The following MAL2 variants were observed in gnomAD, a reference collection of about 807,000 sequenced individuals.
MAL2 encodes the protein mal, T cell differentiation protein 2.
Under a neutral mutation model 18.1 loss-of-function variants are expected in MAL2, and 17 were observed. The observed-to-expected ratio is 0.94, with a 90% CI of 0.64 to 1.41. MAL2 has a LOEUF of 1.41. MAL2 is among the 40% of genes most tolerant of loss of function. The pLI is 0.00. For synonymous variants in MAL2, 102 were observed against 102.3 expected, an observed-to-expected ratio of 1.00 and a Z score of 0.02; for missense variants, 222 against 231.9, an observed-to-expected ratio of 0.96 and a Z score of 0.28.
At chr8:119,221,935 C>A (rs973468213) in intron 2 of MAL2, among the ~76,000 whole-genome samples, 178 bp downstream of exon 2, 1 of 151,970 alleles carries the variant, frequency 6.6e-6, no homozygotes, top group Non-Finnish European at 1.5e-5. Context: ...AACAGGGCCC[C>A]AGTTTGCGAA....
chr8:119,213,616 C>T (rs566133531), intron 1 of MAL2, among the ~76,000 whole-genome samples: 1 of 152,042 alleles, frequency 6.6e-6, no homozygotes, highest in African/African-American at 2.4e-5. Context: ...GTCAGGAGTT[C>T]AAGACCAGCC....
Position 119,208,690 on chromosome 8 carries a change from T to C in MAL2, c.132+86T>C. The C allele has an allele frequency of 1.6e-6, 2 of 1,215,054 alleles. No individual in the cohort carries two copies. Among genetic ancestry groups the C allele is most frequent in the Non-Finnish European group, 2.0e-6 (2 of 975,676 alleles). The allele number at this position is 1,215,054 out of a possible 1,614,324, so 75.3% of individuals were successfully genotyped here. Reference sequence around the variant, plus strand: ...GTCCCCCGGGCTGTCTTCCTCTGCGTCCGCCCCCGGCCTCCTTCCCTTCGA... The same window carrying C: ...GTCCCCCGGGCTGTCTTCCTCTGCGCCCGCCCCCGGCCTCCTTCCCTTCGA... On this transcript the variant is annotated intron_variant, in intron 1 of 3. Coordinates refer to ENST00000614891, the MANE Select transcript of MAL2 (RefSeq NM_052886.3). This position sits in a 1 kb window ranked among gnomAD's most constrained non-coding sequence, Gnocchi z 4.3.
chr8:119,240,586 A>G (rs145877000), intron 3 of MAL2, among the ~76,000 whole-genome samples: 58 of 152,342 alleles, frequency 3.8e-4, no homozygotes, highest in African/African-American at 1.3e-3. Flanking sequence ...TTTGCACAGC[A>G]GTGTCTACTT....
Position 119,208,543 on chromosome 8 carries a change from C to A in MAL2, c.71C>A (p.Thr24Asn). 2 of 1,400,176 alleles carry A rather than the reference C, an allele frequency of 1.4e-6. No individual in the cohort carries two copies. The highest frequency in any genetic ancestry group is 1.9e-6 in the Non-Finnish European group (2 of 1,072,576). The allele number at this position is 1,400,176 out of a possible 1,614,324, so 86.7% of individuals were successfully genotyped here. ...GTGTCCTTCCCGCCGCCCCGGGTCA[C>A]CCTGCCCGCCGGCCCCGACATCCTG... ...PAVSFPPPRVTLPAGPDILRT... is the reference protein window; with the variant it reads ...PAVSFPPPRVNLPAGPDILRT... The change falls in exon 1 of 4, where the codon ACC (threonine) becomes AAC (asparagine). Residue 24 changes from threonine (T) to asparagine (N), a missense_variant. By Grantham distance (65) the Thr-to-Asn change is moderately conservative. Coordinates refer to ENST00000614891, the MANE Select transcript of MAL2 (RefSeq NM_052886.3). This position sits in a 1 kb window ranked among gnomAD's most constrained non-coding sequence, Gnocchi z 4.3.
chr8:119,240,063 A>G, intron 2 of MAL2, 102 bp from the exon 3 acceptor site: 1 of 1,223,494 alleles, frequency 8.2e-7, no homozygotes. Context: ...AGATTGTTTA[A>G]TTAAATGTTT....
At chr8:119,227,480 C>T (rs981456050) in intron 2 of MAL2, among the ~76,000 whole-genome samples, 6 of 152,128 alleles carry the variant, frequency 3.9e-5, no homozygotes, top group African/African-American at 1.4e-4. Flanking sequence ...TTGTGTTGGG[C>T]ACAAGTGGCC....
At chr8:119,230,973 C>G (rs1169706916) in intron 2 of MAL2, among the ~76,000 whole-genome samples, 1 of 151,992 alleles carries the variant, frequency 6.6e-6, no homozygotes, top group South Asian at 2.1e-4. Flanking sequence ...TAGTTCTTAC[C>G]CATGGTTAGT....
At chr8:119,222,251 C>T (rs1431183116) in intron 2 of MAL2, among the ~76,000 whole-genome samples, 2 of 151,878 alleles carry the variant, frequency 1.3e-5, no homozygotes, top group Non-Finnish European at 2.9e-5. Flanking sequence ...GAATTTGTGG[C>T]CGGGCGTGGT....
chr8:119,210,894 T>C (rs1191720889), intron 1 of MAL2, among the ~76,000 whole-genome samples: 1 of 152,046 alleles, frequency 6.6e-6, no homozygotes, highest in Non-Finnish European at 1.5e-5. Context: ...CCCCACCCCA[T>C]TGAAAAATGA....
rs1818111748 is a variant in MAL2, at chr8:119,244,482, C to T, written c.*994C>T. Reference sequence around the variant, plus strand: ...CAATACTGGAACTGGTATCTAGCTACTGATGTCTTACTTTGAGTTTATTTA... The same window carrying T: ...CAATACTGGAACTGGTATCTAGCTATTGATGTCTTACTTTGAGTTTATTTA... On this transcript the variant is annotated 3_prime_UTR_variant, in exon 4 of 4. Transcript: ENST00000614891. The T allele has an allele frequency of 6.6e-6, 1 of 152,178 alleles. No homozygotes were observed. Among genetic ancestry groups the T allele is most frequent in the Admixed American group, 6.5e-5 (1 of 15,274 alleles). 9.4% of individuals were successfully genotyped at this position (152,178 alleles called of 1,614,324 possible).
intron 2 of MAL2, among the ~76,000 whole-genome samples, chr8:119,229,089 G>T (rs1201163862): frequency 6.6e-6 from 1 of 152,122 alleles, no homozygotes; most frequent in African/African-American, 2.4e-5. Context: ...GATGCCAAAG[G>T]ATTGCTAACA....
intron 1 of MAL2, among the ~76,000 whole-genome samples, chr8:119,220,128 C>T (rs558362784): frequency 2.0e-5 from 3 of 152,254 alleles, no homozygotes; most frequent in African/African-American, 7.2e-5. Flanking sequence ...ATGGAGGAGA[C>T]CAATGGTGAT....
intron 3 of MAL2, among the ~76,000 whole-genome samples, chr8:119,241,444 G>T (rs1330624766): frequency 2.1e-5 from 3 of 144,658 alleles, no homozygotes; most frequent in Non-Finnish European, 1.5e-5. Flanking sequence ...GGAGGCGGAG[G>T]TTGCAGTGAG....
chr8:119,223,073 T>TTA (rs1481021335), intron 2 of MAL2, among the ~76,000 whole-genome samples: 2 of 152,260 alleles, frequency 1.3e-5, no homozygotes, highest in East Asian at 1.9e-4. Flanking sequence ...CAGTCAGGCT[T>TTA]TATATATATT....
chr8:119,242,073 G>A (rs192063001), intron 3 of MAL2, among the ~76,000 whole-genome samples: 1 of 152,286 alleles, frequency 6.6e-6, no homozygotes, highest in African/African-American at 2.4e-5. Context: ...TTGCCTTTAT[G>A]TGTTTCTTAC....
chr8:119,220,898 A>G (rs1241942548), intron 1 of MAL2, among the ~76,000 whole-genome samples: 6 of 152,200 alleles, frequency 3.9e-5, no homozygotes, highest in African/African-American at 7.2e-5. Context: ...ATAGACTGTG[A>G]GTTCTGTGGT....
rs1375809252 is a variant in MAL2 at position 119,208,384 on chromosome 8, G to GAGCGGC, written c.-88_-83dup. The GAGCGGC allele has an allele frequency of 2.1e-3, 1,500 of 708,566 alleles. 7 individuals carry two copies. Among genetic ancestry groups the GAGCGGC allele is most frequent in the Middle Eastern group, 0.02 (29 of 1,454 alleles). The allele number at this position is 708,566 out of a possible 1,614,324, so 43.9% of individuals were successfully genotyped here. ...CGGCGCGCCCGGAGCCCGCGGAGCT[G>GAGCGGC]AGCGGCGGCGGCGGCGGCGGCAGGA... On this transcript the variant is annotated 5_prime_UTR_variant, in exon 1 of 4. Coordinates refer to ENST00000614891, the MANE Select transcript of MAL2 (RefSeq NM_052886.3). The surrounding 1 kb of genome is among the most constrained non-coding windows in gnomAD (Gnocchi z 4.3).
At chr8:119,221,791 A>C in intron 2 of MAL2, 34 bp downstream of exon 2, 1 of 1,603,672 alleles carries the variant, frequency 6.2e-7, no homozygotes. Context: ...TATTGCAGGA[A>C]GATGGGAGAA....
chr8:119,231,827 A>G (rs996234568), intron 2 of MAL2, among the ~76,000 whole-genome samples: 14 of 152,116 alleles, frequency 9.2e-5, no homozygotes, highest in Non-Finnish European at 1.5e-4. Context: ...GGAAAGACCA[A>G]TACCGCATGA....
Sources: allele counts gnomAD v4.1 joint callset (sites outside exome capture counted in the v4.1 genomes callset), GRCh38; gene constraint gnomAD v4.1.1; non-coding constraint Gnocchi (gnomAD v3.1); transcripts MANE v1.5; gene names NCBI Gene and HGNC (gene_info 2026-07-23, HGNC 2026-07-21).